R3HDM1: variants seen among roughly 807,000 people sequenced by gnomAD.
R3HDM1 encodes R3H domain-containing protein 1.
Under a neutral mutation model 141.1 loss-of-function variants are expected in R3HDM1, and 46 were observed. The ratio of observed to expected loss-of-function variants is 0.33; its 90% CI spans 0.26 to 0.42. R3HDM1 has a LOEUF of 0.42. Among genes scored for constraint, R3HDM1 ranks in the 10% least tolerant of loss-of-function variants. The pLI is 1.00. For missense variants in R3HDM1, 1,184 were observed against 1,368.3 expected (o/e 0.87, Z 2.12); for synonymous variants, 435 against 472.9 (o/e 0.92, Z 1.04).
intron 1 of R3HDM1, among the ~76,000 whole-genome samples, chr2:135,585,432 G>A (rs1323329929): frequency 6.6e-6 from 1 of 152,130 alleles, no homozygotes; most frequent in Non-Finnish European, 1.5e-5. Flanking sequence ...CATCGTGCAG[G>A]TAACGTATGA....
intron 1 of R3HDM1, among the ~76,000 whole-genome samples, chr2:135,559,789 G>C (rs1254968268): frequency 6.6e-6 from 1 of 152,222 alleles, no homozygotes; most frequent in African/African-American, 2.4e-5. Flanking sequence ...TGCCCTGGCA[G>C]AGCTCTTTAT....
chr2:135,664,641 A>G (rs2067226118), intron 19 of R3HDM1, among the ~76,000 whole-genome samples: 1 of 152,252 alleles, frequency 6.6e-6, no homozygotes, highest in Non-Finnish European at 1.5e-5. Context: ...TAGGTCTTTT[A>G]TCCATGTGTC....
chr2:135,720,842 G>A (rs1359837336), intron 24 of R3HDM1, among the ~76,000 whole-genome samples: 2 of 152,124 alleles, frequency 1.3e-5, no homozygotes, highest in African/African-American at 4.8e-5. Context: ...ATAGTGAATT[G>A]GGGAGATAAA....
At chr2:135,658,190 G>C (rs370619200) in intron 18 of R3HDM1, among the ~76,000 whole-genome samples, 1 of 151,938 alleles carries the variant, frequency 6.6e-6, no homozygotes, top group Non-Finnish European at 1.5e-5. Flanking sequence ...TTTTTGAGAC[G>C]GAGTCTCGCT....
chr2:135,560,432 G>T (rs1481749618), intron 1 of R3HDM1, among the ~76,000 whole-genome samples: 3 of 152,078 alleles, frequency 2.0e-5, no homozygotes, highest in Non-Finnish European at 4.4e-5. Flanking sequence ...TCCCACCTCA[G>T]CCTCGCGAGT....
Position 135,602,645 on chromosome 2 carries a change from A to G in R3HDM1, c.-104A>G. 6.5e-7 allele frequency: 1 copy of G among 1,548,114 alleles called. No homozygotes were observed. The highest frequency in any genetic ancestry group is 1.4e-5 in the African/African-American group (1 of 73,014). On this transcript the variant is annotated 5_prime_UTR_variant, in exon 2 of 27. Coordinates refer to ENST00000683871, the MANE Select transcript of R3HDM1 (RefSeq NM_001378107.1). ...TCCTGGCTGACAACTGTGAAAAAGA[A>G]CCTTGGATTATTTTATTTTATTTTT...
At chr2:135,554,429 G>C (rs1700357105) in intron 1 of R3HDM1, among the ~76,000 whole-genome samples, 1 of 152,122 alleles carries the variant, frequency 6.6e-6, no homozygotes, top group Non-Finnish European at 1.5e-5. Flanking sequence ...TATTTGGGTT[G>C]TTTCTGTTTT....
At chr2:135,721,866 G>T in intron 24 of R3HDM1, 58 bp from the exon 25 acceptor site, 1 of 1,470,090 alleles carries the variant, frequency 6.8e-7, no homozygotes. Flanking sequence ...AGGATTACAG[G>T]CATGAACCAC....
At chr2:135,666,652 G>A (rs1434819518) in intron 19 of R3HDM1, among the ~76,000 whole-genome samples, 1 of 152,118 alleles carries the variant, frequency 6.6e-6, no homozygotes, top group African/African-American at 2.4e-5. Context: ...GACTGTTTTT[G>A]TTAGAATTGG....
intron 18 of R3HDM1, among the ~76,000 whole-genome samples, chr2:135,655,913 G>A (rs939495382): frequency 2.6e-5 from 4 of 152,116 alleles, no homozygotes; most frequent in East Asian, 3.8e-4. Flanking sequence ...TAGGTATTGC[G>A]TGGAATATGT....
Position 135,618,463 on chromosome 2 carries a change from A to ATTTT in R3HDM1, c.303+1724_303+1727dup, listed in dbSNP as rs755774961. Among the ~76,000 whole-genome samples the ATTTT allele has an allele frequency of 1.6e-3, 196 of 124,092 alleles. 1 individual carries two copies. Among genetic ancestry groups the ATTTT allele is most frequent in the African/African-American group, 5.6e-3 (188 of 33,302 alleles). 81.4% of individuals were successfully genotyped at this position (124,092 alleles called of 152,430 possible). The stretch of plus-strand genomic sequence containing the variant: ...AAGTGTGAGCCACCGCGCCCGGCTG[A>ATTTT]TTTTTTTTTTTTTTTTTTTTTGATG... On this transcript the variant is annotated intron_variant, in intron 5 of 26. Transcript: ENST00000683871.
chr2:135,542,362 G>A (rs1697783671), intron 1 of R3HDM1, among the ~76,000 whole-genome samples: 1 of 152,184 alleles, frequency 6.6e-6, no homozygotes, highest in South Asian at 2.1e-4. Flanking sequence ...ATGTTCACAT[G>A]TATAGAGCAC....
intron 1 of R3HDM1, among the ~76,000 whole-genome samples, chr2:135,555,177 G>A (rs1700498249): frequency 1.3e-5 from 2 of 151,910 alleles, no homozygotes; most frequent in East Asian, 1.9e-4. Flanking sequence ...GTGCGTGCCT[G>A]TAGTCCTAGC....
At chr2:135,547,213 T>C (rs1698872208) in intron 1 of R3HDM1, among the ~76,000 whole-genome samples, 1 of 152,022 alleles carries the variant, frequency 6.6e-6, no homozygotes, top group Admixed American at 6.5e-5. Flanking sequence ...AAAATTAAAT[T>C]AATTTTTTAG....
chr2:135,614,411 A>G (rs1232368848), intron 3 of R3HDM1, among the ~76,000 whole-genome samples: 1 of 152,184 alleles, frequency 6.6e-6, no homozygotes, highest in East Asian at 1.9e-4. Context: ...ACCTTTAATA[A>G]TCGATTACAT....
chr2:135,590,208 C>T (rs1708934974), intron 1 of R3HDM1, among the ~76,000 whole-genome samples: 1 of 152,032 alleles, frequency 6.6e-6, no homozygotes, highest in Admixed American at 6.6e-5. Context: ...TATGTAGTAC[C>T]TCTACAATAG....
At chr2:135,570,412 A>C (rs1027029543) in intron 1 of R3HDM1, among the ~76,000 whole-genome samples, 3 of 152,168 alleles carry the variant, frequency 2.0e-5, no homozygotes, top group Non-Finnish European at 1.5e-5. Flanking sequence ...AAAATCTTTC[A>C]TTTGATTTCT....
intron 19 of R3HDM1, chr2:135,669,097 C>T: frequency 1.0e-6 from 1 of 967,314 alleles, no homozygotes; most frequent in Non-Finnish European, 1.2e-6. Context: ...GACTGGAGTG[C>T]AGTGGCCCTT....
At chr2:135,617,816 G>A (rs1291649117) in intron 5 of R3HDM1, among the ~76,000 whole-genome samples, 1 of 152,152 alleles carries the variant, frequency 6.6e-6, no homozygotes, top group African/African-American at 2.4e-5. Flanking sequence ...CCAAAAAACA[G>A]TTTCCAAGGA....
Sources: allele counts gnomAD v4.1 joint callset (sites outside exome capture counted in the v4.1 genomes callset), GRCh38; gene constraint gnomAD v4.1.1; transcripts MANE v1.5; gene names NCBI Gene and HGNC (gene_info 2026-07-23, HGNC 2026-07-21).